Variants in ADGRB3 observed in about 807,000 individuals in gnomAD.
ADGRB3 encodes the protein adhesion G protein-coupled receptor B3.
ADGRB3 carries 37 observed loss-of-function variants against 193.4 expected under a neutral mutation model. That is an observed-to-expected ratio of 0.19 (90% CI 0.15 to 0.25). The LOEUF (loss-of-function observed/expected upper bound fraction) is 0.25, where lower values mean the gene tolerates loss of function less well. ADGRB3 is among the 10% of genes least tolerant of loss of function. The pLI is 1.00. For synonymous variants in ADGRB3, 690 were observed against 644.2 expected (o/e 1.07, Z -1.08); for missense variants, 1,637 against 1,852.9 (o/e 0.88, Z 2.14).
intron 20 of ADGRB3, among the ~76,000 whole-genome samples, chr6:69,272,496 G>A (rs560246435): frequency 1.3e-5 from 2 of 152,272 alleles, no homozygotes; most frequent in Admixed American, 1.3e-4. Context: ...AGACATAACT[G>A]GGTAGACAAT....
At chr6:68,977,541 G>A (rs1768784180) in intron 10 of ADGRB3, among the ~76,000 whole-genome samples, 1 of 152,114 alleles carries the variant, frequency 6.6e-6, no homozygotes. Flanking sequence ...CAGGCCATCT[G>A]ATAATGGATT....
In ADGRB3 at chr6:69,361,455, T is replaced by C. The variant is rs1188605114; in HGVS notation, c.4182T>C (p.Asp1394=). The C allele has an allele frequency of 1.9e-6, 3 of 1,612,714 alleles. No individual in the cohort carries two copies. The highest frequency in any genetic ancestry group is 2.5e-6 in the Non-Finnish European group (3 of 1,179,134). Residue 1394 remains aspartate, a synonymous_variant, in exon 29 of 32, where the codon GAT becomes GAC. Coordinates refer to ENST00000370598, the MANE Select transcript of ADGRB3 (RefSeq NM_001704.3). ...VKNFMASELD[D]NAGLSRSETG... ...ATTTCATGGCCTCTGAGTTGGATGA[T>C]AATGCAGGACTATCAAGAAGTGAAA...
intron 3 of ADGRB3, among the ~76,000 whole-genome samples, chr6:68,817,896 A>G (rs911815002): frequency 1.5e-4 from 23 of 152,112 alleles, no homozygotes; most frequent in Non-Finnish European, 3.4e-4. Context: ...TCTGTAAAAT[A>G]ACTTGTGTTC....
intron 3 of ADGRB3, among the ~76,000 whole-genome samples, chr6:68,832,210 G>C (rs1228592383): frequency 6.6e-6 from 1 of 151,986 alleles, no homozygotes; most frequent in African/African-American, 2.4e-5. Context: ...AAGACATTCA[G>C]AAAGTATTAT....
At chr6:69,232,319 T>G (rs1582563935) in intron 17 of ADGRB3, 1 of 971,726 alleles carries the variant, frequency 1.0e-6, no homozygotes, top group Non-Finnish European at 1.4e-6. Context: ...CTGCTGGGGG[T>G]GGAAGGGTTC....
rs1768009202 is a variant in ADGRB3 at position 68,638,719 on chromosome 6, A to G, written c.44A>G (p.Tyr15Cys). Reference protein sequence around the residue: ...RNLLIYIFSTYLLVMFGFNAA... With the variant: ...RNLLIYIFSTCLLVMFGFNAA... ...CTGCTGATTTATATATTTTCCACCT[A>G]TCTCCTGGTTATGTTTGGATTTAAT... Residue 15 changes from tyrosine to cysteine, a missense_variant, in exon 3 of 32, where the codon TAT becomes TGT. Physicochemically the swap from Tyr to Cys is radical, Grantham distance 194 (BLOSUM62 -2). Around this residue, in one of 7 missense-constraint regions of ADGRB3, gnomAD observed 365 missense variants for 409.8 expected, o/e 0.89. Coordinates refer to ENST00000370598, the MANE Select transcript of ADGRB3 (RefSeq NM_001704.3). The G allele has an allele frequency of 3.7e-6, 6 of 1,614,026 alleles. No homozygotes were observed. Among genetic ancestry groups the G allele is most frequent in the Middle Eastern group, 1.7e-4 (1 of 6,058 alleles).
intron 3 of ADGRB3, among the ~76,000 whole-genome samples, chr6:68,885,967 A>G (rs1765895083): frequency 6.6e-6 from 1 of 152,182 alleles, no homozygotes; most frequent in Non-Finnish European, 1.5e-5. Context: ...GTCCAGTGAA[A>G]ATAAAACAAC....
In ADGRB3 at chr6:69,233,281, C is replaced by G. The variant is rs750640418; in HGVS notation, c.2481-9C>G. 2 of 1,613,394 alleles carry G rather than the reference C, an allele frequency of 1.2e-6. No individual in the cohort carries two copies. Among genetic ancestry groups the G allele is most frequent in the Admixed American group, 3.3e-5 (2 of 59,938 alleles). Reference sequence around the variant, plus strand: ...TCCCGATTTCCTCCCCCCTCACTCCCCTTTGCAGGAACGAGTCTTTGGGAA... The same window carrying G: ...TCCCGATTTCCTCCCCCCTCACTCCGCTTTGCAGGAACGAGTCTTTGGGAA... On this transcript the variant is annotated splice_polypyrimidine_tract_variant and intron_variant, in intron 17 of 31. Transcript: ENST00000370598.
intron 4 of ADGRB3, among the ~76,000 whole-genome samples, chr6:68,932,198 G>C (rs145687484): frequency 3.8e-4 from 58 of 152,278 alleles, no homozygotes; most frequent in African/African-American, 1.3e-3. Context: ...GTGCAAAAGA[G>C]ATGGCAGGCA....
In ADGRB3 at chr6:69,048,661, G is replaced by C. The variant is rs914386120; in HGVS notation, c.2257+327G>C. Among the ~76,000 whole-genome samples the C allele has an allele frequency of 1.8e-4, 27 of 151,982 alleles. 1 individual carries two copies. The highest frequency in any genetic ancestry group is 1.3e-4 in the Admixed American group (2 of 15,260). On this transcript the variant is annotated intron_variant, in intron 14 of 31. Transcript: ENST00000370598. ...TTACCTTTAGCTATTGAAATGTGTT[G>C]TATTTTCCATGCAATGTCATTTTTA...
At chr6:69,059,531 G>A (rs1431946044) in intron 15 of ADGRB3, among the ~76,000 whole-genome samples, 3 of 152,020 alleles carry the variant, frequency 2.0e-5, no homozygotes, top group African/African-American at 7.2e-5. Flanking sequence ...ATATATCAAC[G>A]AGCATAAATC....
chr6:68,928,871 T>C (rs929790279), intron 3 of ADGRB3, among the ~76,000 whole-genome samples: 6 of 152,174 alleles, frequency 3.9e-5, no homozygotes, highest in African/African-American at 1.4e-4. Flanking sequence ...TGAAGCATAC[T>C]GTTGATAAAA....
intron 3 of ADGRB3, among the ~76,000 whole-genome samples, chr6:68,831,361 A>G (rs935057603): frequency 1.3e-5 from 2 of 151,576 alleles, no homozygotes; most frequent in Non-Finnish European, 2.9e-5. Flanking sequence ...CTGAATTTGA[A>G]GTATTCCAGA....
At chr6:68,871,868 C>T (rs138821026) in intron 3 of ADGRB3, among the ~76,000 whole-genome samples, 225 of 152,058 alleles carry the variant, frequency 1.5e-3, no homozygotes, top group Non-Finnish European at 2.7e-3. Flanking sequence ...TACCTAAAGG[C>T]GAGAAAGAAC....
At chr6:69,205,810 G>A (rs943679845) in intron 17 of ADGRB3, among the ~76,000 whole-genome samples, 14 of 151,536 alleles carry the variant, frequency 9.2e-5, no homozygotes, top group Non-Finnish European at 1.8e-4. Context: ...TTTAAGAGAT[G>A]AGTCTCACCT....
intron 22 of ADGRB3, among the ~76,000 whole-genome samples, chr6:69,329,310 C>G (rs73471350): frequency 6.6e-6 from 1 of 152,024 alleles, no homozygotes; most frequent in African/African-American, 2.4e-5. Context: ...TGGAAAAGTA[C>G]GGTTTTATCT....
intron 20 of ADGRB3, among the ~76,000 whole-genome samples, chr6:69,247,719 G>T (rs1051770196): frequency 6.6e-6 from 1 of 151,924 alleles, no homozygotes; most frequent in Non-Finnish European, 1.5e-5. Flanking sequence ...TCTTTTTACT[G>T]GATTTAAAAA....
At chr6:68,822,158 C>T (rs1165394769) in intron 3 of ADGRB3, among the ~76,000 whole-genome samples, 4 of 151,638 alleles carry the variant, frequency 2.6e-5, no homozygotes, top group African/African-American at 7.3e-5. Context: ...AAAAAGAAAG[C>T]GGATGACATT....
chr6:69,121,486 C>T (rs1291349495), intron 17 of ADGRB3, among the ~76,000 whole-genome samples: 2 of 152,096 alleles, frequency 1.3e-5, no homozygotes, highest in East Asian at 1.9e-4. Context: ...AAACTGCCAT[C>T]GTCATCATGG....
Sources: gnomAD v4.1 joint callset for allele counts (sites outside exome capture counted in the v4.1 genomes callset) on GRCh38, gnomAD v4.1.1 for gene constraint, gnomAD v4.1.1 regional missense constraint, MANE v1.5 for transcripts, NCBI Gene and HGNC (gene_info 2026-07-23, HGNC 2026-07-21) for gene names.